GRID2: variants seen among roughly 807,000 people sequenced by gnomAD.
GRID2 encodes glutamate ionotropic receptor delta type subunit 2, also known as glutamate receptor ionotropic, delta-2.
GRID2 carries 33 observed loss-of-function variants against 114.8 expected under a neutral mutation model. The observed-to-expected ratio is 0.29, with a 90% CI of 0.22 to 0.38. The LOEUF (loss-of-function observed/expected upper bound fraction) is 0.38, where lower values mean the gene tolerates loss of function less well. GRID2 is among the 10% of genes least tolerant of loss of function. GRID2 has a pLI of 1.00. For synonymous variants in GRID2, 505 were observed against 449.9 expected, an observed-to-expected ratio of 1.12 and a Z score of -1.55; for missense variants, 1,184 against 1,257.7, an observed-to-expected ratio of 0.94 and a Z score of 0.89.
At chr4:92,514,726 T>A (rs570819328) in intron 1 of GRID2, among the ~76,000 whole-genome samples, 1 of 152,014 alleles carries the variant, frequency 6.6e-6, no homozygotes, top group African/African-American at 2.4e-5. Context: ...CATTTCCACA[T>A]AATACACATG....
chr4:93,601,650 G>T (rs552282126), intron 13 of GRID2, among the ~76,000 whole-genome samples: 1 of 152,120 alleles, frequency 6.6e-6, no homozygotes, highest in Non-Finnish European at 1.5e-5. Flanking sequence ...CTTGTAAAAT[G>T]TTTACTGGGA....
chr4:93,426,007 G>C (rs1041736430), intron 10 of GRID2, among the ~76,000 whole-genome samples: 9 of 152,124 alleles, frequency 5.9e-5, no homozygotes, highest in Admixed American at 5.2e-4. Flanking sequence ...ATCATTGCTA[G>C]AATTGGAATA....
intron 13 of GRID2, among the ~76,000 whole-genome samples, chr4:93,604,841 G>A (rs553393421): frequency 5.1e-4 from 77 of 152,260 alleles, no homozygotes; most frequent in East Asian, 7.7e-4. Flanking sequence ...TTTAATTCGG[G>A]TATGTACATT....
intron 2 of GRID2, among the ~76,000 whole-genome samples, chr4:92,657,319 G>T (rs956028629): frequency 2.6e-4 from 40 of 151,370 alleles, no homozygotes; most frequent in African/African-American, 9.2e-4. Context: ...TTTATTATTT[G>T]TCAGCCTCTA....
At chr4:92,367,071 G>A (rs555658993) in intron 1 of GRID2, among the ~76,000 whole-genome samples, 1 of 152,124 alleles carries the variant, frequency 6.6e-6, no homozygotes, top group South Asian at 2.1e-4. Flanking sequence ...TTTGTAGAAT[G>A]TCCCTTAATT....
intron 9 of GRID2, among the ~76,000 whole-genome samples, chr4:93,396,158 G>A (rs368145370): frequency 3.3e-5 from 5 of 151,896 alleles, no homozygotes; most frequent in African/African-American, 9.7e-5. Flanking sequence ...TCTTTTTCTC[G>A]TAAGAACCTA....
chr4:93,426,221 A>T (rs1033550171), intron 10 of GRID2, among the ~76,000 whole-genome samples: 5 of 152,178 alleles, frequency 3.3e-5, no homozygotes, highest in African/African-American at 1.2e-4. Flanking sequence ...GAAAGCATTA[A>T]TATCGTTATT....
chr4:92,683,334 G>T (rs973012247), intron 2 of GRID2, among the ~76,000 whole-genome samples: 11 of 152,000 alleles, frequency 7.2e-5, no homozygotes, highest in African/African-American at 2.7e-4. Context: ...TATAAATTTT[G>T]TATGCCTTTA....
chr4:92,889,767 T>C (rs1560672605), intron 2 of GRID2, among the ~76,000 whole-genome samples: 1 of 152,168 alleles, frequency 6.6e-6, no homozygotes, highest in Non-Finnish European at 1.5e-5. Context: ...AAAAAACTAC[T>C]TTAAATTTCA....
At chr4:92,871,460 T>C (rs1578355690) in intron 2 of GRID2, among the ~76,000 whole-genome samples, 2 of 152,278 alleles carry the variant, frequency 1.3e-5, no homozygotes, top group Non-Finnish European at 2.9e-5. Flanking sequence ...TTCTATTAAA[T>C]ACAGTTGAGT....
chr4:92,385,900 GTATA>G (rs34904839), intron 1 of GRID2, among the ~76,000 whole-genome samples: 3,357 of 61,038 alleles, frequency 0.055, 89 homozygotes, highest in African/African-American at 0.12. Context: ...GTGTGTGTGT[GTATA>G]TATATATATA....
At position 93,473,711 on chromosome 4, in the gene GRID2, T is replaced by C. The variant is rs541976401; in HGVS notation, c.1859-16928T>C. Among the ~76,000 whole-genome samples the C allele has an allele frequency of 1.1e-3, 171 of 152,262 alleles. 1 individual carries two copies. Among genetic ancestry groups the C allele is most frequent in the Middle Eastern group, 0.01 (3 of 292 alleles). On this transcript the variant is annotated intron_variant, in intron 11 of 15. Transcript: ENST00000282020. ...AAAGGTATAAAATAATACCATGTAATGCAAGAAGGCTATAACTAATTCATA... is the reference window on the plus strand; with the variant it reads ...AAAGGTATAAAATAATACCATGTAACGCAAGAAGGCTATAACTAATTCATA...
chr4:93,596,881 T>G (rs1309073911), intron 13 of GRID2, among the ~76,000 whole-genome samples: 1 of 152,232 alleles, frequency 6.6e-6, no homozygotes, highest in Non-Finnish European at 1.5e-5. Context: ...CGGATCTGGT[T>G]TATGGCTGGT....
rs879373852 is a variant in GRID2, at chr4:93,321,688, C to G, written c.1246-73919C>G. 4.0e-4 allele frequency among the ~76,000 whole-genome samples: 61 copies of G among 151,814 alleles called. 1 individual carries two copies. Among genetic ancestry groups the G allele is most frequent in the South Asian group, 3.9e-3 (19 of 4,822 alleles). ...TTCTTTGAAATACTTTTTTTATTCA[C>G]TTCTGGGATATTATATTCTCTAGGT... is the stretch of plus-strand genomic sequence containing the variant. On this transcript the variant is annotated intron_variant, in intron 8 of 15. Transcript: ENST00000282020.
rs774267960 is a variant in GRID2 at position 93,395,171 on chromosome 4, T to TA, written c.1246-431dup. Among the ~76,000 whole-genome samples, 134 of 152,094 alleles carry TA rather than the reference T, an allele frequency of 8.8e-4. 1 individual carries two copies. Among genetic ancestry groups the TA allele is most frequent in the Non-Finnish European group, 2.7e-4 (18 of 67,908 alleles). ...AAAGCAGTTGCCCTTCTAACCATAT[T>TA]AAAAATAGTGTCTTTTTTCCCAGTA... On this transcript the variant is annotated intron_variant, in intron 8 of 15. Coordinates refer to ENST00000282020, the MANE Select transcript of GRID2 (RefSeq NM_001510.4).
At chr4:93,504,808 AT>A (rs892089686) in intron 12 of GRID2, among the ~76,000 whole-genome samples, 7 of 152,094 alleles carry the variant, frequency 4.6e-5, no homozygotes, top group African/African-American at 1.4e-4. Context: ...AGAAAAAAAA[AT>A]GGTTTAGTTA....
rs75778018 is a variant in GRID2 at position 93,400,220 on chromosome 4, G to C, written c.1347+4512G>C. 7.6e-3 allele frequency among the ~76,000 whole-genome samples: 1,150 copies of C among 152,180 alleles called. 15 individuals are homozygous for C. The highest frequency in any genetic ancestry group is 0.026 in the African/African-American group (1,081 of 41,544). On this transcript the variant is annotated intron_variant, in intron 9 of 15. Coordinates refer to ENST00000282020, the MANE Select transcript of GRID2 (RefSeq NM_001510.4). Reference sequence around the variant, plus strand: ...TTATTGAGATGTGAGGATTGCATATGTTGGATTGATAACTTAGGAGAATTT... The same window carrying C: ...TTATTGAGATGTGAGGATTGCATATCTTGGATTGATAACTTAGGAGAATTT...
At chr4:93,593,628 A>G (rs895371937) in intron 13 of GRID2, among the ~76,000 whole-genome samples, 2 of 151,358 alleles carry the variant, frequency 1.3e-5, no homozygotes, top group Non-Finnish European at 2.9e-5. Context: ...GAAATTCTCC[A>G]GGATAATATC....
At chr4:93,363,439 G>A (rs1762058188) in intron 8 of GRID2, among the ~76,000 whole-genome samples, 1 of 152,074 alleles carries the variant, frequency 6.6e-6, no homozygotes, top group African/African-American at 2.4e-5. Flanking sequence ...TGTTGAGAAG[G>A]AATTAATGCT....
Sources: allele counts gnomAD v4.1 joint callset (sites outside exome capture counted in the v4.1 genomes callset), GRCh38; gene constraint gnomAD v4.1.1; transcripts MANE v1.5; gene names NCBI Gene and HGNC (gene_info 2026-07-23, HGNC 2026-07-21).